The following C12orf42 variants were observed in gnomAD, a reference collection of about 807,000 sequenced individuals.
C12orf42 encodes uncharacterized protein C12orf42.
C12orf42 carries 25 observed loss-of-function variants against 21.6 expected under a neutral mutation model. The observed-to-expected ratio is 1.16, with a 90% confidence interval of 0.84 to 1.62. The LOEUF is 1.62. Among genes scored for constraint, C12orf42 ranks in the 40% most tolerant of loss-of-function variants. The probability of loss-of-function intolerance (pLI) is 0.00; values close to 1 mark genes in which losing one functional copy is unlikely to be tolerated. For missense variants in C12orf42, 483 were observed against 459.3 expected (o/e 1.05, Z -0.47); for synonymous variants, 174 against 175.0 (o/e 0.99, Z 0.05).
chr12:103,469,282 TGATGTGTA>T (rs1348347323), intron 2 of C12orf42, among the ~76,000 whole-genome samples: 7 of 152,176 alleles, frequency 4.6e-5, no homozygotes, highest in African/African-American at 1.7e-4. Flanking sequence ...GAAAAGAAAA[TGATGTGTA>T]AAAACATACA....
chr12:103,306,708 C>G (rs780174365), intron 4 of C12orf42, among the ~76,000 whole-genome samples: 39 of 152,086 alleles, frequency 2.6e-4, no homozygotes, highest in Non-Finnish European at 4.0e-4. Context: ...TTGTGTTCAC[C>G]CCCTCCCCTC....
the C12orf42 span, among the ~76,000 whole-genome samples, chr12:103,048,491 C>T: frequency 1.3e-5 from 2 of 151,984 alleles, no homozygotes; most frequent in Non-Finnish European, 2.9e-5. Flanking sequence ...AACGTCTGAC[C>T]AAGAGTCAAA....
the C12orf42 span, among the ~76,000 whole-genome samples, chr12:103,053,137 CATAT>C: frequency 6.6e-6 from 1 of 151,860 alleles, no homozygotes; most frequent in African/African-American, 2.4e-5. Context: ...TTTGCATATC[CATAT>C]ACTTTGTTTT....
At chr12:103,082,688 G>A in the C12orf42 span, among the ~76,000 whole-genome samples, 1 of 152,096 alleles carries the variant, frequency 6.6e-6, no homozygotes, top group African/African-American at 2.4e-5. Context: ...AGAACTTAAA[G>A]TATAATAATA....
intron 1 of C12orf42, among the ~76,000 whole-genome samples, chr12:103,484,152 T>C (rs1954663242): frequency 2.0e-5 from 3 of 152,224 alleles, no homozygotes; most frequent in Admixed American, 2.0e-4. Flanking sequence ...AGTAGCATGA[T>C]TTATAATCGT....
At chr12:103,183,407 C>T in the C12orf42 span, among the ~76,000 whole-genome samples, 1 of 152,142 alleles carries the variant, frequency 6.6e-6, no homozygotes, top group African/African-American at 2.4e-5. Context: ...AGATGTAGAG[C>T]CTATAGTGAG....
the C12orf42 span, among the ~76,000 whole-genome samples, chr12:103,064,176 T>C: frequency 1.3e-5 from 2 of 152,276 alleles, no homozygotes; most frequent in South Asian, 2.1e-4. Flanking sequence ...CTTTGTGACA[T>C]AGATTTGTGA....
At chr12:103,353,262 T>G (rs749945134) in intron 4 of C12orf42, among the ~76,000 whole-genome samples, 3 of 151,048 alleles carry the variant, frequency 2.0e-5, no homozygotes, top group Non-Finnish European at 4.4e-5. Flanking sequence ...ATGTCACCCC[T>G]TTTGTTCTCA....
intron 4 of C12orf42, among the ~76,000 whole-genome samples, chr12:103,358,788 G>T (rs937406272): frequency 1.3e-5 from 2 of 151,868 alleles, no homozygotes; most frequent in Non-Finnish European, 2.9e-5. Flanking sequence ...TCTCTCACTT[G>T]GACTTTTACT....
intron 4 of C12orf42, among the ~76,000 whole-genome samples, chr12:103,345,685 A>AAAAT (rs2042556776): frequency 1.3e-5 from 2 of 152,204 alleles, no homozygotes; most frequent in Admixed American, 6.5e-5. Flanking sequence ...CATGAAAGGA[A>AAAAT]AAATAAATAA....
At chr12:103,195,519 T>C in the C12orf42 span, among the ~76,000 whole-genome samples, 2 of 152,282 alleles carry the variant, frequency 1.3e-5, no homozygotes, top group East Asian at 3.9e-4. Context: ...CATTGTGATT[T>C]TGATTTGCAT....
chr12:103,164,676 T>G, the C12orf42 span: 1 of 452,280 alleles, frequency 2.2e-6, no homozygotes, highest in South Asian at 1.6e-5. Flanking sequence ...TTGTAAACCT[T>G]TTGTTTTCAT....
At chr12:103,063,313 C>T in the C12orf42 span, among the ~76,000 whole-genome samples, 1 of 152,140 alleles carries the variant, frequency 6.6e-6, no homozygotes, top group South Asian at 2.1e-4. Context: ...CAGACATAAG[C>T]TCTTATCATG....
chr12:103,384,912 C>A (rs1029294061), intron 3 of C12orf42, among the ~76,000 whole-genome samples: 1 of 152,156 alleles, frequency 6.6e-6, no homozygotes, highest in African/African-American at 2.4e-5. Flanking sequence ...AACCACCAGC[C>A]GAATTTTCTT....
intron 4 of C12orf42, among the ~76,000 whole-genome samples, chr12:103,364,878 ATTC>A (rs1372127684): frequency 6.6e-6 from 1 of 152,084 alleles, no homozygotes; most frequent in African/African-American, 2.4e-5. Flanking sequence ...AACCAGGCAG[ATTC>A]ACAGTTGAAT....
intron 2 of C12orf42, among the ~76,000 whole-genome samples, chr12:103,474,454 A>ATGTGTGTGTGTG (rs371887251): frequency 6.7e-6 from 1 of 149,282 alleles, no homozygotes; most frequent in African/African-American, 2.5e-5. Context: ...GTATGTATGT[A>ATGTGTGTGTGTG]TGTGTGTGTG....
At chr12:103,220,750 C>T in the C12orf42 span, among the ~76,000 whole-genome samples, 1 of 152,120 alleles carries the variant, frequency 6.6e-6, no homozygotes, top group South Asian at 2.1e-4. Context: ...TCAGTGGTGA[C>T]AACTGCCAGT....
At chr12:103,114,151 A>G in the C12orf42 span, among the ~76,000 whole-genome samples, 1 of 152,222 alleles carries the variant, frequency 6.6e-6, no homozygotes, top group Non-Finnish European at 1.5e-5. Context: ...AAAAAAATAC[A>G]TATATATGCT....
the C12orf42 span, among the ~76,000 whole-genome samples, chr12:103,179,837 G>C: frequency 1.3e-5 from 2 of 152,178 alleles, no homozygotes; most frequent in African/African-American, 4.8e-5. Context: ...ATTCAGATTT[G>C]TAAAATGTAT....
Sources: gnomAD v4.1 joint callset for allele counts (sites outside exome capture counted in the v4.1 genomes callset) on GRCh38, gnomAD v4.1.1 for gene constraint, MANE v1.5 for transcripts, NCBI Gene and HGNC (gene_info 2026-07-23, HGNC 2026-07-21) for gene names.